The following PIK3R3 variants were observed in gnomAD, a reference collection of about 807,000 sequenced individuals.
PIK3R3 encodes the protein phosphatidylinositol 3-kinase regulatory subunit gamma.
In PIK3R3, 64 loss-of-function variants were observed where a neutral mutation model predicts 62.9. The observed-to-expected ratio is 1.02, with a 90% CI of 0.83 to 1.25. PIK3R3 has a LOEUF of 1.25. PIK3R3 is among the 50% of genes most tolerant of loss of function. The pLI is 0.00. For missense variants in PIK3R3, 614 were observed against 561.6 expected (o/e 1.09, Z -0.94); for synonymous variants, 165 against 189.0 (o/e 0.87, Z 1.04).
chr1:46,075,819 T>C lies in PIK3R3; in HGVS notation c.314+1696A>G, dbSNP rs1316238352. ...CATCTGCAAGCTGGCATGCCAGTAGTGTGGCTCAGTCCAATTCCTAAAGCC... is the reference window on the plus strand; with the variant it reads ...CATCTGCAAGCTGGCATGCCAGTAGCGTGGCTCAGTCCAATTCCTAAAGCC... On this transcript the variant is annotated intron_variant, in intron 3 of 9. Transcript: ENST00000262741. Among the ~76,000 whole-genome samples the C allele has an allele frequency of 2.0e-5, 3 of 152,052 alleles. 1 individual carries two copies. The highest frequency in any genetic ancestry group is 7.2e-5 in the African/African-American group (3 of 41,388).
chr1:46,071,056 T>C (rs534260911), intron 3 of PIK3R3, among the ~76,000 whole-genome samples: 1 of 152,314 alleles, frequency 6.6e-6, no homozygotes, highest in Non-Finnish European at 1.5e-5. Flanking sequence ...CACCAATGAC[T>C]TTGAACAAAT....
intron 3 of PIK3R3, among the ~76,000 whole-genome samples, chr1:46,077,000 A>C (rs1650126452): frequency 6.6e-6 from 1 of 152,236 alleles, no homozygotes; most frequent in Non-Finnish European, 1.5e-5. Flanking sequence ...CAGTTTTCTT[A>C]ACCTTTTAAA....
At chr1:46,110,134 T>TG (rs1340087120) in intron 1 of PIK3R3, among the ~76,000 whole-genome samples, 3 of 151,702 alleles carry the variant, frequency 2.0e-5, no homozygotes, top group African/African-American at 7.3e-5. Context: ...CTTTTTGAGA[T>TG]GGGGTCTCAC....
At chr1:46,108,714 T>G (rs1653436999) in intron 1 of PIK3R3, among the ~76,000 whole-genome samples, 1 of 152,134 alleles carries the variant, frequency 6.6e-6, no homozygotes, top group African/African-American at 2.4e-5. Context: ...AAGGTTTATC[T>G]CCTCCTTCCC....
chr1:46,152,854 G>A, the PIK3R3 span, among the ~76,000 whole-genome samples: 5 of 152,120 alleles, frequency 3.3e-5, no homozygotes, highest in Non-Finnish European at 5.9e-5. Flanking sequence ...GAGCCACCGC[G>A]CCCAGCCTGA....
At chr1:46,080,829 C>A in intron 1 of PIK3R3, 79 bp from the exon 2 acceptor site, 1 of 852,046 alleles carries the variant, frequency 1.2e-6, no homozygotes, top group Non-Finnish European at 1.9e-6. Flanking sequence ...GCTCACTAAC[C>A]AAGGTATGTT....
the PIK3R3 span, among the ~76,000 whole-genome samples, chr1:46,157,172 C>T: frequency 1.3e-5 from 2 of 152,154 alleles, no homozygotes; most frequent in Non-Finnish European, 2.9e-5. Flanking sequence ...CTGACTCTAT[C>T]GCCTAGGCTG....
chr1:46,095,653 T>A (rs554665293), intron 1 of PIK3R3, among the ~76,000 whole-genome samples: 1 of 152,266 alleles, frequency 6.6e-6, no homozygotes, highest in South Asian at 2.1e-4. Context: ...CATGTACCCC[T>A]GAACTTAAAA....
Position 46,086,273 on chromosome 1 carries a change from A to G in PIK3R3, c.107-5523T>C, listed in dbSNP as rs779926872. On this transcript the variant is annotated intron_variant, in intron 1 of 9. Transcript: ENST00000262741. ...CACTGTAGGTATGTATGTATATTGT[A>G]TATGTTTTCTTTATATGTTTTAACA... Among the ~76,000 whole-genome samples, 12 of 152,126 alleles carry G rather than the reference A, an allele frequency of 7.9e-5. 1 individual carries two copies. Among genetic ancestry groups the G allele is most frequent in the Admixed American group, 6.6e-4 (10 of 15,264 alleles).
chr1:46,095,576 G>A (rs766380048), intron 1 of PIK3R3, among the ~76,000 whole-genome samples: 5 of 152,130 alleles, frequency 3.3e-5, no homozygotes, highest in South Asian at 4.1e-4. Flanking sequence ...CCTAGGTGAT[G>A]GGATGATCTG....
intron 9 of PIK3R3, among the ~76,000 whole-genome samples, chr1:46,045,634 T>TC (rs1647092633): frequency 7.5e-6 from 1 of 132,662 alleles, no homozygotes; most frequent in Non-Finnish European, 1.6e-5. Context: ...TTTTTTTTTT[T>TC]TTTTTTTTTT....
At chr1:46,090,436 A>T (rs937651681) in intron 1 of PIK3R3, among the ~76,000 whole-genome samples, 3 of 151,928 alleles carry the variant, frequency 2.0e-5, no homozygotes, top group African/African-American at 7.3e-5. Context: ...GGTTCAGGCG[A>T]TTCTCCTCCC....
the PIK3R3 span, among the ~76,000 whole-genome samples, chr1:46,160,732 A>G: frequency 6.6e-6 from 1 of 152,318 alleles, no homozygotes; most frequent in African/African-American, 2.4e-5. Context: ...AGCAAAAGGC[A>G]CTCATTGCCC....
At chr1:46,111,820 T>C (rs570956301) in intron 1 of PIK3R3, among the ~76,000 whole-genome samples, 29 of 152,320 alleles carry the variant, frequency 1.9e-4, no homozygotes, top group African/African-American at 7.0e-4. Context: ...GTTCAATTTA[T>C]ATGAAGTCAA....
At chr1:46,047,882 G>A (rs1647159550) in intron 7 of PIK3R3, among the ~76,000 whole-genome samples, 1 of 152,156 alleles carries the variant, frequency 6.6e-6, no homozygotes, top group Non-Finnish European at 1.5e-5. Flanking sequence ...CAGGGTTCAA[G>A]CAATTCTCTC....
At chr1:46,159,291 G>A in the PIK3R3 span, among the ~76,000 whole-genome samples, 1 of 152,020 alleles carries the variant, frequency 6.6e-6, no homozygotes, top group Non-Finnish European at 1.5e-5. Flanking sequence ...CACACAGTCA[G>A]GGGCAAAGCC....
chr1:46,090,714 C>T (rs991261194), intron 1 of PIK3R3, among the ~76,000 whole-genome samples: 13 of 152,180 alleles, frequency 8.5e-5, no homozygotes, highest in Non-Finnish European at 1.8e-4. Flanking sequence ...ATACTCAAAA[C>T]TCATTGCTTC....
At chr1:46,045,617 CTTTTTTTTTTT>C (rs1031388121) in intron 9 of PIK3R3, among the ~76,000 whole-genome samples, 4 of 21,204 alleles carry the variant, frequency 1.9e-4, no homozygotes, top group South Asian at 1.7e-3. Context: ...CAATTAAGTG[CTTTTTTTTTTT>C]TTTTTTTTTT....
At chr1:46,134,490 C>T (rs531431052), upstream of PIK3R3, 1 of 152,156 alleles carries the variant, frequency 6.6e-6, no homozygotes, top group Admixed American at 6.5e-5. Flanking sequence ...AACTTTGGGG[C>T]AGGACTCATT....
Sources: gnomAD v4.1 joint callset for allele counts (sites outside exome capture counted in the v4.1 genomes callset) on GRCh38, gnomAD v4.1.1 for gene constraint, MANE v1.5 for transcripts, NCBI Gene and HGNC (gene_info 2026-07-23, HGNC 2026-07-21) for gene names.